SLC9C2: variants seen among roughly 807,000 people sequenced by gnomAD.
The protein encoded by SLC9C2 is sodium/hydrogen exchanger 11.
In SLC9C2, 75 loss-of-function variants were observed where a neutral mutation model predicts 140.2. That is an observed-to-expected ratio of 0.53 (90% confidence interval 0.44 to 0.65). The LOEUF (loss-of-function observed/expected upper bound fraction) is 0.65, where lower values mean the gene tolerates loss of function less well. Among genes scored for constraint, SLC9C2 ranks in the 30% least tolerant of loss-of-function variants. The pLI, the probability that SLC9C2 is intolerant of heterozygous loss-of-function variation, is 0.00. For missense variants in SLC9C2, 1,074 were observed against 1,331.8 expected (o/e 0.81, Z 3.01); for synonymous variants, 375 against 420.9 (o/e 0.89, Z 1.34).
chr1:173,573,418 T>C, intron 8 of SLC9C2, 93 bp from the exon 9 acceptor site: 1 of 974,782 alleles, frequency 1.0e-6, no homozygotes, highest in Non-Finnish European at 1.5e-6. Context: ...ATATCTACCA[T>C]GCTGTCTTAG....
chr1:173,536,091 CA>C, intron 14 of SLC9C2, 142 bp from the exon 15 acceptor site: 1 of 647,072 alleles, frequency 1.5e-6, no homozygotes, highest in Non-Finnish European at 2.4e-6. Flanking sequence ...TGCATCCATC[CA>C]CCTATCCATC....
Position 173,557,424 on chromosome 1 carries a change from C to T in SLC9C2, c.1131G>A (p.Trp377Ter). 1 of 1,613,862 alleles carries T rather than the reference C, an allele frequency of 6.2e-7. No homozygotes were observed. The highest frequency in any genetic ancestry group is 8.5e-7 in the Non-Finnish European group (1 of 1,179,856). Residue 377 changes from tryptophan to a stop codon, truncating the protein, a stop_gained, in exon 10 of 28, where the codon TGG becomes TGA. Transcript: ENST00000367714. LOFTEE classifies it high-confidence loss of function. Reference protein sequence around the residue: ...YNWRWGVVITWSGIKGVFNLL... With the variant: ...YNWRWGVVIT ...AATTAAAAACTCCTTTAATTCCAGA[C>T]CACGTGATTACAACTCCCCATCGCC...
intron 9 of SLC9C2, among the ~76,000 whole-genome samples, chr1:173,564,632 C>T (rs149521655): frequency 2.9e-4 from 41 of 139,632 alleles, no homozygotes; most frequent in African/African-American, 1.0e-3. Context: ...TTTTCTTTTC[C>T]TTTTCTTTTT....
At chr1:173,594,484 A>G (rs971184820) in intron 4 of SLC9C2, among the ~76,000 whole-genome samples, 1 of 152,214 alleles carries the variant, frequency 6.6e-6, no homozygotes, top group African/African-American at 2.4e-5. Flanking sequence ...GCAAAAATTC[A>G]GGAGAAAGGA....
intron 13 of SLC9C2, among the ~76,000 whole-genome samples, chr1:173,541,286 ATCAAT>A (rs982904044): frequency 2.8e-4 from 42 of 152,324 alleles, no homozygotes; most frequent in African/African-American, 9.6e-4. Flanking sequence ...TGGTAAAGGG[ATCAAT>A]TCAACAAGAA....
intron 9 of SLC9C2, among the ~76,000 whole-genome samples, chr1:173,568,212 T>C (rs1664614623): frequency 6.6e-6 from 1 of 152,180 alleles, no homozygotes. Flanking sequence ...TTGTTGTACC[T>C]ATTATTTCAT....
intron 24 of SLC9C2, among the ~76,000 whole-genome samples, chr1:173,507,922 A>C (rs1042743318): frequency 6.6e-6 from 1 of 152,078 alleles, no homozygotes; most frequent in African/African-American, 2.4e-5. Flanking sequence ...CGTGCTTGCA[A>C]ACTAACCCAG....
At chr1:173,559,583 T>G (rs1293366339) in intron 9 of SLC9C2, among the ~76,000 whole-genome samples, 2 of 152,242 alleles carry the variant, frequency 1.3e-5, no homozygotes, top group African/African-American at 4.8e-5. Context: ...ACCCTAGGTT[T>G]GAGTGGTCTC....
chr1:173,521,922 G>A (rs950135092), intron 21 of SLC9C2, among the ~76,000 whole-genome samples: 16 of 142,066 alleles, frequency 1.1e-4, no homozygotes, highest in African/African-American at 4.0e-4. Context: ...AGAAAAGGCC[G>A]GGCGCGGTGG....
chr1:173,535,278 C>G (rs1053493184), intron 15 of SLC9C2, among the ~76,000 whole-genome samples: 1 of 152,060 alleles, frequency 6.6e-6, no homozygotes, highest in African/African-American at 2.4e-5. Context: ...TTGGCATGTT[C>G]TATTGGTATA....
chr1:173,522,163 A>C (rs917282238), intron 21 of SLC9C2, among the ~76,000 whole-genome samples: 1 of 151,722 alleles, frequency 6.6e-6, no homozygotes, highest in African/African-American at 2.4e-5. Context: ...TGGAGCTTGC[A>C]GTGAGCCGAG....
intron 15 of SLC9C2, among the ~76,000 whole-genome samples, chr1:173,535,257 A>G (rs905348104): frequency 4.6e-5 from 7 of 152,152 alleles, no homozygotes; most frequent in African/African-American, 1.7e-4. Context: ...CGCCCTTGGT[A>G]TGTTCTTGTT....
chr1:173,568,881 G>A (rs1228913220), intron 9 of SLC9C2, among the ~76,000 whole-genome samples: 1 of 152,102 alleles, frequency 6.6e-6, no homozygotes, highest in African/African-American at 2.4e-5. Context: ...GTTTTTGTGT[G>A]TACCTACTAT....
intron 23 of SLC9C2, among the ~76,000 whole-genome samples, chr1:173,514,493 T>C (rs1660281652): frequency 6.6e-6 from 1 of 152,160 alleles, no homozygotes; most frequent in Non-Finnish European, 1.5e-5. Flanking sequence ...TTTTTGTTTG[T>C]TTTCCATTTG....
In SLC9C2 at chr1:173,597,995, C is replaced by T; in HGVS notation, c.266G>A (p.Ser89Asn). ...TGAAAAGTAAGAATAAAGTGAAAAA[C>T]TTGATGTTCTTAGAAGAGGGTAGAC... Reference protein sequence around the residue: ...QIVYPLLRTSSFSLYSYFSPL... With the variant: ...QIVYPLLRTSNFSLYSYFSPL... The change falls in exon 4 of 28, where the codon AGT becomes AAT. Residue 89 changes from serine (S) to asparagine (N), a missense_variant. Transcript: ENST00000367714. 1 of 1,597,514 alleles carries T rather than the reference C, an allele frequency of 6.3e-7. No homozygotes were observed. Among genetic ancestry groups the T allele is most frequent in the Non-Finnish European group, 8.5e-7 (1 of 1,171,502 alleles).
At chr1:173,601,882 G>A (rs1571654562) in intron 1 of SLC9C2, 27 bp from the exon 2 acceptor site, 12 of 1,357,448 alleles carry the variant, frequency 8.8e-6, no homozygotes, top group Non-Finnish European at 9.1e-6. Flanking sequence ...AAGAACATGA[G>A]ACCTACCAAG....
chr1:173,534,674 G>T lies in SLC9C2; in HGVS notation c.1784C>A (p.Thr595Lys). 6.7e-7 allele frequency: 1 copy of T among 1,499,262 alleles called. No individual in the cohort carries two copies. The highest frequency in any genetic ancestry group is 1.3e-5 in the South Asian group (1 of 76,992). 92.9% of individuals were successfully genotyped at this position (1,499,262 alleles called of 1,614,324 possible). The change falls in exon 16 of 28, where the codon ACA (threonine) becomes AAA (lysine). Residue 595 changes from threonine to lysine, a missense_variant. Coordinates refer to ENST00000367714, the MANE Select transcript of SLC9C2 (RefSeq NM_178527.4). ...KIHFIPPESN[T>K]FLTFIFHIVF... Reference sequence around the variant, plus strand: ...TATGTGAAATATAAAAGTCAGAAATGTATTACTCCTGAAAAGAGATCAAAT... The same window carrying T: ...TATGTGAAATATAAAAGTCAGAAATTTATTACTCCTGAAAAGAGATCAAAT...
intron 11 of SLC9C2, among the ~76,000 whole-genome samples, chr1:173,550,641 G>A (rs1279626705): frequency 6.6e-6 from 1 of 151,606 alleles, no homozygotes; most frequent in Non-Finnish European, 1.5e-5. Flanking sequence ...GTTTCACCAT[G>A]TTGGCCAGGA....
intron 13 of SLC9C2, among the ~76,000 whole-genome samples, chr1:173,547,094 TG>T (rs1662905040): frequency 6.6e-6 from 1 of 152,136 alleles, no homozygotes; most frequent in South Asian, 2.1e-4. Flanking sequence ...AAAAGAATTC[TG>T]GGCACAATTC....
Sources: allele counts gnomAD v4.1 joint callset (sites outside exome capture counted in the v4.1 genomes callset), GRCh38; gene constraint gnomAD v4.1.1; transcripts MANE v1.5; gene names NCBI Gene and HGNC (gene_info 2026-07-23, HGNC 2026-07-21).